Variants in NOSTRIN observed in about 807,000 individuals in gnomAD.
The protein encoded by NOSTRIN is BM247 homolog.
NOSTRIN carries 63 observed loss-of-function variants against 59.0 expected under a neutral mutation model. The ratio of observed to expected loss-of-function variants is 1.07; its 90% CI spans 0.87 to 1.32. The LOEUF (loss-of-function observed/expected upper bound fraction) is 1.32. NOSTRIN is among the 40% of genes most tolerant of loss of function. The pLI, the probability that NOSTRIN is intolerant of heterozygous loss-of-function variation, is 0.00. For missense variants in NOSTRIN, 512 were observed against 473.1 expected (o/e 1.08, Z -0.76); for synonymous variants, 200 against 165.4 (o/e 1.21, Z -1.61).
At chr2:168,802,483 G>A (rs371757498), upstream of NOSTRIN, 41 of 619,632 alleles carry the variant, frequency 6.6e-5, no homozygotes, top group Non-Finnish European at 1.0e-4. Context: ...GGACACAAAC[G>A]GGATGAAAGT....
intron 8 of NOSTRIN, among the ~76,000 whole-genome samples, chr2:168,848,477 A>G (rs1414122332): frequency 6.6e-6 from 1 of 152,236 alleles, no homozygotes. Flanking sequence ...CTAAAGTTGC[A>G]TGTGATTGGC....
chr2:168,795,753 C>T (rs537298444), upstream of NOSTRIN, among the ~76,000 whole-genome samples: 4 of 152,200 alleles, frequency 2.6e-5, no homozygotes, highest in South Asian at 8.3e-4. Flanking sequence ...TTATTTTGTG[C>T]AATTTTTACA....
intron 1 of NOSTRIN, among the ~76,000 whole-genome samples, chr2:168,804,763 A>C (rs1685760681): frequency 6.6e-6 from 1 of 152,072 alleles, no homozygotes; most frequent in Non-Finnish European, 1.5e-5. Context: ...AACTTCAGTG[A>C]AAAAAAATCT....
intron 1 of NOSTRIN, among the ~76,000 whole-genome samples, chr2:168,810,949 G>A (rs1268923213): frequency 1.3e-5 from 2 of 152,088 alleles, no homozygotes; most frequent in Non-Finnish European, 2.9e-5. Flanking sequence ...GTGTCCGCAG[G>A]ATAAATTCAA....
At chr2:168,802,482 C>T (rs374461718), upstream of NOSTRIN, 4 of 619,622 alleles carry the variant, frequency 6.5e-6, no homozygotes, top group Admixed American at 2.5e-5. Context: ...GGGACACAAA[C>T]GGGATGAAAG....
chr2:168,819,464 A>G (rs1311694341), intron 2 of NOSTRIN, among the ~76,000 whole-genome samples: 1 of 152,220 alleles, frequency 6.6e-6, no homozygotes, highest in Non-Finnish European at 1.5e-5. Flanking sequence ...CACTTGGAAC[A>G]TGGCTTCTTA....
rs114824750 is a variant in NOSTRIN at position 168,820,069 on chromosome 2, C to T, written c.114-4565C>T. 6.2e-3 allele frequency among the ~76,000 whole-genome samples: 947 copies of T among 152,302 alleles called. 6 individuals are homozygous for T. The highest frequency in any genetic ancestry group is 8.8e-3 in the African/African-American group (366 of 41,572). ...CTGCAATTAAAGGTGAAGTGAGAGG[C>T]GGTATCAATTTTTGAAAGCCCTTTT... is the stretch of plus-strand genomic sequence containing the variant. On this transcript the variant is annotated intron_variant, in intron 2 of 15. Transcript: ENST00000317647.
chr2:168,828,508 C>G lies in NOSTRIN; in HGVS notation c.342+7C>G. ...AGAGAAGAAGAGAAAATCAGTGAGTCCAAACCTTTCTTTACTCTTCCTGTT... is the reference window on the plus strand; with the variant it reads ...AGAGAAGAAGAGAAAATCAGTGAGTGCAAACCTTTCTTTACTCTTCCTGTT... On this transcript the variant is annotated splice_region_variant and intron_variant, in intron 5 of 15. Transcript: ENST00000317647. 1.2e-6 allele frequency: 1 copy of G among 856,518 alleles called. No individual in the cohort carries two copies. The highest frequency in any genetic ancestry group is 1.4e-5 in the South Asian group (1 of 72,334). The allele number at this position is 856,518 out of a possible 1,614,324, so 53.1% of individuals were successfully genotyped here.
chr2:168,865,070 G>A lies in NOSTRIN; in HGVS notation c.*100G>A. The A allele has an allele frequency of 7.7e-7, 1 of 1,291,404 alleles. No individual in the cohort carries two copies. Among genetic ancestry groups the A allele is most frequent in the Non-Finnish European group, 1.1e-6 (1 of 934,568 alleles). The allele number at this position is 1,291,404 out of a possible 1,614,324, so 80.0% of individuals were successfully genotyped here. A position where few individuals can be genotyped will look rare whatever the true frequency, so the allele number is the denominator to read the frequency against. On this transcript the variant is annotated 3_prime_UTR_variant, in exon 16 of 16. Transcript: ENST00000317647. ...TCTTACCTTTACATGTTTTTCTTTT[G>A]AAATGGATGGAGTTCTACCTGCATG...
chr2:168,856,306 G>A (rs1689103489), intron 11 of NOSTRIN: 3 of 243,388 alleles, frequency 1.2e-5, no homozygotes, highest in South Asian at 1.0e-4. Flanking sequence ...GCTGGGTGCT[G>A]TGGCTCACGC....
intron 8 of NOSTRIN, among the ~76,000 whole-genome samples, chr2:168,843,473 C>T (rs1232589093): frequency 3.9e-5 from 6 of 152,084 alleles, no homozygotes; most frequent in African/African-American, 1.4e-4. Flanking sequence ...ACAGTGATCG[C>T]TTATGGAGGT....
intron 2 of NOSTRIN, among the ~76,000 whole-genome samples, chr2:168,816,206 G>A (rs117384552): frequency 1.5e-4 from 23 of 152,190 alleles, no homozygotes; most frequent in African/African-American, 4.3e-4. Flanking sequence ...AGAAGACCCC[G>A]TTTCCAATCC....
At chr2:168,822,972 A>C (rs535387104) in intron 2 of NOSTRIN, among the ~76,000 whole-genome samples, 87 of 152,328 alleles carry the variant, frequency 5.7e-4, no homozygotes, top group African/African-American at 2.1e-3. Context: ...TCCCGAGATC[A>C]GTAGGACAGT....
At chr2:168,818,351 C>A in intron 2 of NOSTRIN, 1 of 251,806 alleles carries the variant, frequency 4.0e-6, no homozygotes, top group Non-Finnish European at 8.5e-6. Flanking sequence ...GAAATGGGAT[C>A]TTGATATGTT....
In NOSTRIN at chr2:168,845,790, C is replaced by CTTCTTTTTTTTTTTTT. The variant is rs36186706; in HGVS notation, c.630+2675_630+2676insCTTTTTTTTTTTTTTT. Among the ~76,000 whole-genome samples the CTTCTTTTTTTTTTTTT allele has an allele frequency of 2.1e-5, 3 of 140,630 alleles. 1 individual carries two copies. The highest frequency in any genetic ancestry group is 8.0e-5 in the African/African-American group (3 of 37,380). 92.3% of individuals were successfully genotyped at this position (140,630 alleles called of 152,430 possible). Reference sequence around the variant, plus strand: ...AGACCTAGTTTTAGTTTTTTTCTTCCTTTTTTTTTTTTTTTTTGTTAGAAT... The same window carrying CTTCTTTTTTTTTTTTT: ...AGACCTAGTTTTAGTTTTTTTCTTCCTTCTTTTTTTTTTTTTTTTTTTTTTTTTTTTTTGTTAGAAT... On this transcript the variant is annotated intron_variant, in intron 8 of 15. Transcript: ENST00000317647.
intron 14 of NOSTRIN, among the ~76,000 whole-genome samples, chr2:168,861,265 TC>T (rs1689428540): frequency 1.3e-5 from 2 of 152,116 alleles, no homozygotes; most frequent in African/African-American, 2.4e-5. Flanking sequence ...AAGAAGCCTG[TC>T]CTCTCTGCGA....
chr2:168,796,822 T>C (rs1330259433), upstream of NOSTRIN, among the ~76,000 whole-genome samples: 3 of 152,156 alleles, frequency 2.0e-5, no homozygotes, highest in Non-Finnish European at 2.9e-5. Context: ...ACTTATCTTC[T>C]GTCTCAGTGT....
chr2:168,834,474 C>T (rs536658341), intron 7 of NOSTRIN, 149 bp downstream of exon 7: 1 of 493,098 alleles, frequency 2.0e-6, no homozygotes, highest in African/African-American at 2.1e-5. Context: ...AAGGGGATTC[C>T]AAATCATTAC....
chr2:168,819,551 C>CT (rs1686605958), intron 2 of NOSTRIN, among the ~76,000 whole-genome samples: 1 of 152,188 alleles, frequency 6.6e-6, no homozygotes, highest in African/African-American at 2.4e-5. Flanking sequence ...CGCTAGAGGC[C>CT]TGGGAGAGGT....
Sources: gnomAD v4.1 joint callset for allele counts (sites outside exome capture counted in the v4.1 genomes callset) on GRCh38, gnomAD v4.1.1 for gene constraint, MANE v1.5 for transcripts, NCBI Gene and HGNC (gene_info 2026-07-23, HGNC 2026-07-21) for gene names.